The following THUMPD2 variants were observed in gnomAD, a reference collection of about 807,000 sequenced individuals.
The protein encoded by THUMPD2 is U6 snRNA (guanine-N(2))-methyltransferase THUMPD2.
A neutral mutation model predicts 49.4 loss-of-function variants in THUMPD2; 56 were observed. The observed-to-expected ratio is 1.13, with a 90% confidence interval of 0.91 to 1.41. The LOEUF (loss-of-function observed/expected upper bound fraction) is 1.41. Ranked by LOEUF, THUMPD2 falls within the 40% of genes most tolerant of loss-of-function variation. The pLI, the probability that THUMPD2 is intolerant of heterozygous loss-of-function variation, is 0.00. For missense variants in THUMPD2, 709 were observed against 594.5 expected (o/e 1.19, Z -2.00); for synonymous variants, 237 against 205.2 (o/e 1.15, Z -1.32).
At chr2:39,774,601 T>A (rs1309932275) in intron 1 of THUMPD2, among the ~76,000 whole-genome samples, 1 of 152,208 alleles carries the variant, frequency 6.6e-6, no homozygotes, top group East Asian at 1.9e-4. Flanking sequence ...TCACTCTTTG[T>A]GAAGATAGGT....
At chr2:39,776,722 A>C (rs1421280421) in intron 1 of THUMPD2, among the ~76,000 whole-genome samples, 1 of 152,166 alleles carries the variant, frequency 6.6e-6, no homozygotes, top group East Asian at 1.9e-4. Context: ...TTACTTTTGT[A>C]TATTTTTGAA....
At chr2:39,773,583 AAT>A (rs972290867) in intron 1 of THUMPD2, among the ~76,000 whole-genome samples, 2 of 134,044 alleles carry the variant, frequency 1.5e-5, no homozygotes, top group African/African-American at 3.2e-5. Flanking sequence ...ATATTTTAAA[AAT>A]ATATATATAT....
At chr2:39,737,210 A>G (rs1184595414) in intron 9 of THUMPD2, 151 bp from the exon 10 acceptor site, 25 of 688,776 alleles carry the variant, frequency 3.6e-5, no homozygotes, top group Non-Finnish European at 5.9e-5. Flanking sequence ...AGTATCTTCT[A>G]TAATGTATAT....
At chr2:39,770,326 T>C (rs907173204) in intron 2 of THUMPD2, among the ~76,000 whole-genome samples, 4 of 152,130 alleles carry the variant, frequency 2.6e-5, no homozygotes, top group African/African-American at 9.7e-5. Flanking sequence ...ATTGCATATA[T>C]AGCATCCGTA....
At chr2:39,765,198 C>T (rs1043300513) in intron 5 of THUMPD2, among the ~76,000 whole-genome samples, 1 of 152,136 alleles carries the variant, frequency 6.6e-6, no homozygotes, top group Non-Finnish European at 1.5e-5. Context: ...CTCACTCTGT[C>T]ACCCACGCTG....
At chr2:39,766,347 T>G in intron 4 of THUMPD2, 1 of 309,738 alleles carries the variant, frequency 3.2e-6, no homozygotes, top group Non-Finnish European at 5.9e-6. Flanking sequence ...TATAGGAGAG[T>G]CATGTTACAA....
At chr2:39,751,290 T>C (rs1265777734) in intron 8 of THUMPD2, among the ~76,000 whole-genome samples, 1 of 152,254 alleles carries the variant, frequency 6.6e-6, no homozygotes, top group Non-Finnish European at 1.5e-5. Context: ...GCGGTGCTTA[T>C]GGGTGTCCTG....
At chr2:39,767,181 C>T (rs1677635566) in intron 4 of THUMPD2, among the ~76,000 whole-genome samples, 1 of 152,014 alleles carries the variant, frequency 6.6e-6, no homozygotes, top group Admixed American at 6.5e-5. Context: ...TTATTAATTG[C>T]ATTAAATGGC....
rs534363151 is a variant in THUMPD2, at chr2:39,771,769, C to G, written c.127-129G>C. Reference sequence around the variant, plus strand: ...TCTGAAGTATCTACTATTTGTCAGGCTCTGTACTAGGAACACTGAATAAGT... The same window carrying G: ...TCTGAAGTATCTACTATTTGTCAGGGTCTGTACTAGGAACACTGAATAAGT... On this transcript the variant is annotated intron_variant, in intron 1 of 9. Coordinates refer to ENST00000505747, the MANE Select transcript of THUMPD2 (RefSeq NM_025264.5). The G allele has an allele frequency of 4.9e-5, 48 of 969,764 alleles. No homozygotes were observed. The African/African-American group carries it at 6.2e-4, about 13-fold the overall frequency. The allele number at this position is 969,764 out of a possible 1,614,324, so 60.1% of individuals were successfully genotyped here. A position where few individuals can be genotyped will look rare whatever the true frequency, so the allele number is the denominator to read the frequency against.
intron 8 of THUMPD2, 35 bp downstream of exon 8, chr2:39,755,260 C>A (rs368420062): frequency 1.5e-6 from 2 of 1,310,876 alleles, no homozygotes; most frequent in Non-Finnish European, 2.1e-6. Flanking sequence ...TACATTGTTC[C>A]TTTTCTCAAT....
intron 9 of THUMPD2, among the ~76,000 whole-genome samples, chr2:39,738,323 G>A (rs1673416729): frequency 6.6e-6 from 1 of 152,150 alleles, no homozygotes. Flanking sequence ...AACATTTTGG[G>A]AGGCTCAGGT....
chr2:39,773,417 C>T (rs545700836), intron 1 of THUMPD2, among the ~76,000 whole-genome samples: 69 of 151,428 alleles, frequency 4.6e-4, no homozygotes, highest in Non-Finnish European at 8.3e-4. Context: ...TGACTTTAAC[C>T]TAAGTAGCCA....
At chr2:39,764,686 C>G (rs1444005680) in intron 5 of THUMPD2, among the ~76,000 whole-genome samples, 1 of 152,228 alleles carries the variant, frequency 6.6e-6, no homozygotes, top group African/African-American at 2.4e-5. Context: ...ACTGTCACTT[C>G]TCTTGTCCAG....
intron 2 of THUMPD2, among the ~76,000 whole-genome samples, chr2:39,770,700 A>C (rs1327557815): frequency 6.6e-6 from 1 of 151,994 alleles, no homozygotes; most frequent in Admixed American, 6.6e-5. Flanking sequence ...GATGATCCAA[A>C]ATTACTGTAT....
intron 1 of THUMPD2, among the ~76,000 whole-genome samples, chr2:39,774,740 A>T (rs1032011834): frequency 6.6e-6 from 1 of 152,176 alleles, no homozygotes; most frequent in African/African-American, 2.4e-5. Flanking sequence ...CAGAGAAATA[A>T]GGCATTTGGA....
At chr2:39,743,493 G>C (rs1674176062) in intron 9 of THUMPD2, among the ~76,000 whole-genome samples, 1 of 152,134 alleles carries the variant, frequency 6.6e-6, no homozygotes, top group African/African-American at 2.4e-5. Flanking sequence ...GTTGAAATTT[G>C]ATCCCCAGTG....
Position 39,740,619 on chromosome 2 carries a change from CTTTT to C in THUMPD2, c.1188-3564_1188-3561del, listed in dbSNP as rs983724072. 2.7e-4 allele frequency among the ~76,000 whole-genome samples: 41 copies of C among 151,680 alleles called. 1 individual carries two copies. Among genetic ancestry groups the C allele is most frequent in the Middle Eastern group, 3.4e-3 (1 of 294 alleles). On this transcript the variant is annotated intron_variant, in intron 9 of 9. Coordinates refer to ENST00000505747, the MANE Select transcript of THUMPD2 (RefSeq NM_025264.5). ...ATACGCACATAATTTCTTTTCTTTTCTTTTTTTTTATTTTTTTAGAGATGGGGTC... is the reference window on the plus strand; with the variant it reads ...ATACGCACATAATTTCTTTTCTTTTCTTTTTATTTTTTTAGAGATGGGGTC...
chr2:39,763,646 C>G (rs1004910461), intron 5 of THUMPD2, among the ~76,000 whole-genome samples: 5 of 152,016 alleles, frequency 3.3e-5, no homozygotes, highest in Admixed American at 6.6e-5. Flanking sequence ...TAAATCCTCT[C>G]CTTCTCTCTT....
At chr2:39,766,653 T>C (rs538414050) in intron 4 of THUMPD2, among the ~76,000 whole-genome samples, 1 of 152,316 alleles carries the variant, frequency 6.6e-6, no homozygotes, top group East Asian at 1.9e-4. Context: ...ACATTATAAT[T>C]AGTAGCCAAC....
Sources: gnomAD v4.1 joint callset for allele counts (sites outside exome capture counted in the v4.1 genomes callset) on GRCh38, gnomAD v4.1.1 for gene constraint, MANE v1.5 for transcripts, NCBI Gene and HGNC (gene_info 2026-07-23, HGNC 2026-07-21) for gene names.